The following ZMAT4 variants were observed in gnomAD, a reference collection of about 807,000 sequenced individuals.
ZMAT4 encodes zinc finger matrin-type 4.
A neutral mutation model predicts 28.7 loss-of-function variants in ZMAT4; 17 were observed. The ratio of observed to expected loss-of-function variants is 0.59; its 90% CI spans 0.41 to 0.89. The LOEUF (loss-of-function observed/expected upper bound fraction) is 0.89, where lower values mean the gene tolerates loss of function less well. ZMAT4 is among the 40% of genes least tolerant of loss of function. ZMAT4 has a pLI of 0.00. For missense variants in ZMAT4, 240 were observed against 283.8 expected (o/e 0.85, Z 1.11); for synonymous variants, 117 against 109.2 (o/e 1.07, Z -0.44).
intron 3 of ZMAT4, among the ~76,000 whole-genome samples, chr8:40,710,622 A>G (rs72639689): frequency 0.064 from 8,823 of 138,274 alleles, 374 homozygotes; most frequent in Non-Finnish European, 0.094. Context: ...TTGTGGGGGG[A>G]AAAAAAAAAA....
intron 3 of ZMAT4, among the ~76,000 whole-genome samples, chr8:40,758,879 TGA>T: frequency 1.3e-5 from 2 of 151,876 alleles, no homozygotes; most frequent in South Asian, 4.2e-4. Context: ...TCAAAGAAAA[TGA>T]AACAGAGAAT....
intron 3 of ZMAT4, among the ~76,000 whole-genome samples, chr8:40,740,045 T>C (rs1244171260): frequency 6.6e-6 from 1 of 152,230 alleles, no homozygotes; most frequent in Non-Finnish European, 1.5e-5. Context: ...AGTCTACCAT[T>C]GATGGGCGTT....
intron 5 of ZMAT4, among the ~76,000 whole-genome samples, chr8:40,601,457 GGAGGAAGA>G (rs1280203096): frequency 2.9e-4 from 12 of 40,748 alleles, no homozygotes; most frequent in Admixed American, 6.0e-4. Context: ...AGGAAGGAAG[GGAGGAAGA>G]AAGGAAAGAA....
At chr8:40,850,515 C>A (rs531894926) in intron 1 of ZMAT4, among the ~76,000 whole-genome samples, 6 of 152,182 alleles carry the variant, frequency 3.9e-5, no homozygotes, top group African/African-American at 9.7e-5. Flanking sequence ...CTTCCGCCCC[C>A]CAAAATGTAA....
At chr8:40,857,457 A>G (rs1033518352) in intron 1 of ZMAT4, among the ~76,000 whole-genome samples, 3 of 152,166 alleles carry the variant, frequency 2.0e-5, no homozygotes, top group African/African-American at 4.8e-5. Flanking sequence ...ATTTTACATG[A>G]AGGACCACAA....
intron 3 of ZMAT4, among the ~76,000 whole-genome samples, chr8:40,708,646 ATTT>A (rs11446729): frequency 2.0e-5 from 2 of 98,388 alleles, no homozygotes; most frequent in Non-Finnish European, 2.0e-5. Flanking sequence ...AGCAATCTTG[ATTT>A]TTTTTTTTTT....
chr8:40,531,085 C>T lies in ZMAT4; in HGVS notation c.*1138G>A, dbSNP rs1407771598. On this transcript the variant is annotated 3_prime_UTR_variant, in exon 7 of 7. Coordinates refer to ENST00000297737, the MANE Select transcript of ZMAT4 (RefSeq NM_024645.3). ...CCATGCAGGGCATCGTCAGTAGAAG[C>T]TCAACGTCCCACTTCGTAACCAGGC... 1 of 152,670 alleles carries T rather than the reference C, an allele frequency of 6.6e-6. No homozygotes were observed. The highest frequency in any genetic ancestry group is 1.5e-5 in the Non-Finnish European group (1 of 68,144). The allele number at this position is 152,670 out of a possible 1,614,324, so 9.5% of individuals were successfully genotyped here.
chr8:40,782,398 C>A (rs372466853), intron 2 of ZMAT4, among the ~76,000 whole-genome samples: 2 of 151,340 alleles, frequency 1.3e-5, no homozygotes, highest in Non-Finnish European at 3.0e-5. Context: ...AACAAGCAAA[C>A]AAACAAACAA....
intron 5 of ZMAT4, among the ~76,000 whole-genome samples, chr8:40,665,493 A>G (rs1416516890): frequency 6.6e-6 from 1 of 152,182 alleles, no homozygotes; most frequent in Non-Finnish European, 1.5e-5. Flanking sequence ...CCAGGCCCCC[A>G]TGAATAGTGA....
intron 3 of ZMAT4, among the ~76,000 whole-genome samples, chr8:40,713,347 CA>C (rs1810704770): frequency 6.6e-6 from 1 of 151,572 alleles, no homozygotes; most frequent in African/African-American, 2.4e-5. Context: ...ACATTGAAAA[CA>C]GTTCAAAACA....
chr8:40,892,388 C>A (rs117128121), intron 1 of ZMAT4, among the ~76,000 whole-genome samples: 3,256 of 152,268 alleles, frequency 0.021, 56 homozygotes, highest in Middle Eastern at 0.078. Flanking sequence ...GGAGCCCCCC[C>A]AGGGATGGGT....
chr8:40,539,940 T>A (rs1802974390), intron 6 of ZMAT4, among the ~76,000 whole-genome samples: 1 of 152,132 alleles, frequency 6.6e-6, no homozygotes. Flanking sequence ...ATAAACTGTG[T>A]GATCAGAGGG....
Position 40,649,410 on chromosome 8 carries a change from C to T in ZMAT4, c.577+25294G>A, listed in dbSNP as rs549262933. ...TATATATGCACCCAATACAAGAGCA[C>T]CAAGATTCATAAAGCAAGTCCTGAG... is the stretch of plus-strand genomic sequence containing the variant. On this transcript the variant is annotated intron_variant, in intron 5 of 6. Transcript: ENST00000297737. Among the ~76,000 whole-genome samples the T allele has an allele frequency of 2.0e-5, 3 of 152,252 alleles. No individual in the cohort carries two copies. The South Asian group carries it at 6.2e-4, about 32-fold the overall frequency.
intron 6 of ZMAT4, among the ~76,000 whole-genome samples, chr8:40,572,374 G>T (rs1347901954): frequency 6.6e-6 from 1 of 152,038 alleles, no homozygotes; most frequent in Non-Finnish European, 1.5e-5. Context: ...ACGTGTTAAG[G>T]CCTCTTCTCA....
chr8:40,713,485 A>G (rs1328033264), intron 3 of ZMAT4, among the ~76,000 whole-genome samples: 1 of 152,218 alleles, frequency 6.6e-6, no homozygotes, highest in East Asian at 1.9e-4. Flanking sequence ...GCAAATGGCA[A>G]AAAAATATTA....
chr8:40,712,798 A>AT (rs1261013905), intron 3 of ZMAT4, among the ~76,000 whole-genome samples: 4 of 152,214 alleles, frequency 2.6e-5, no homozygotes, highest in Non-Finnish European at 4.4e-5. Context: ...ACTTCCAGAA[A>AT]TTGGGCATTG....
At chr8:40,648,776 TC>T (rs1265592217) in intron 5 of ZMAT4, among the ~76,000 whole-genome samples, 2 of 95,606 alleles carry the variant, frequency 2.1e-5, no homozygotes, top group Non-Finnish European at 4.7e-5. Flanking sequence ...TATTCAACAT[TC>T]TTAAAGAAAA....
intron 6 of ZMAT4, among the ~76,000 whole-genome samples, chr8:40,573,884 T>C (rs1260763837): frequency 6.6e-6 from 1 of 152,202 alleles, no homozygotes; most frequent in African/African-American, 2.4e-5. Flanking sequence ...AGTGGCAAAG[T>C]CACAAGAGGA....
rs34226845 is a variant in ZMAT4 at position 40,706,725 on chromosome 8, A to AT, written c.193-9325dup. ...GACATAATATGCTCCAAGCAAATTG[A>AT]TTTTTTTCAAGGTTAGGAACACCAA... On this transcript the variant is annotated intron_variant, in intron 3 of 6. Coordinates refer to ENST00000297737, the MANE Select transcript of ZMAT4 (RefSeq NM_024645.3). 3.9e-5 allele frequency among the ~76,000 whole-genome samples: 6 copies of AT among 152,104 alleles called. No individual in the cohort carries two copies. The East Asian group carries it at 1.2e-3, about 29-fold the overall frequency.
Sources: gnomAD v4.1 joint callset for allele counts (sites outside exome capture counted in the v4.1 genomes callset) on GRCh38, gnomAD v4.1.1 for gene constraint, MANE v1.5 for transcripts, NCBI Gene and HGNC (gene_info 2026-07-23, HGNC 2026-07-21) for gene names.